The following ANKLE2 variants were observed in gnomAD, a reference collection of about 807,000 sequenced individuals.
The protein encoded by ANKLE2 is ankyrin repeat and LEM domain containing 2.
A neutral mutation model predicts 84.2 loss-of-function variants in ANKLE2; 55 were observed. That is an observed-to-expected ratio of 0.65 (90% CI 0.53 to 0.82). The LOEUF is 0.82. ANKLE2 is among the 40% of genes least tolerant of loss of function. ANKLE2 has a pLI of 0.00. For missense variants in ANKLE2, 1,238 were observed against 1,201.9 expected (o/e 1.03, Z -0.44); for synonymous variants, 551 against 486.1 (o/e 1.13, Z -1.76).
rs1448472635 is a variant in ANKLE2, at chr12:132,728,124, A to T, written c.2523T>A (p.Ala841=). The T allele has an allele frequency of 1.2e-6, 2 of 1,613,054 alleles. No individual in the cohort carries two copies. The highest frequency in any genetic ancestry group is 1.7e-5 in the Admixed American group (1 of 60,014). Residue 841 remains alanine, a synonymous_variant, in exon 12 of 13, where the codon GCT becomes GCA. Coordinates refer to ENST00000357997, the MANE Select transcript of ANKLE2 (RefSeq NM_015114.3). ...GGGGGTCGACGTCTGCACATTCAAG[A>T]GCGGCCAAAACATCCTGATCGAGTT... ...PSKLDQDVLA[A]LECADVDPHQ... is the part of the protein sequence containing the mutation.
chr12:132,752,994 A>T (rs1377454131), intron 2 of ANKLE2, among the ~76,000 whole-genome samples: 1 of 69,284 alleles, frequency 1.4e-5, no homozygotes, highest in East Asian at 3.6e-4. Flanking sequence ...CCAGTCTCTT[A>T]AAAAAAAAAA....
chr12:132,749,020 G>A (rs971336423), intron 3 of ANKLE2: 19 of 151,972 alleles, frequency 1.3e-4, no homozygotes, highest in African/African-American at 4.6e-4. Flanking sequence ...AGTGAACTCT[G>A]AAAGCTCGGT....
chr12:132,740,472 T>A (rs2044098422), intron 7 of ANKLE2, among the ~76,000 whole-genome samples: 1 of 152,120 alleles, frequency 6.6e-6, no homozygotes, highest in Non-Finnish European at 1.5e-5. Context: ...TGATAAAATT[T>A]TATTTTTAAA....
At chr12:132,746,817 G>T (rs2044248032) in intron 5 of ANKLE2, among the ~76,000 whole-genome samples, 3 of 152,136 alleles carry the variant, frequency 2.0e-5, no homozygotes, top group African/African-American at 7.2e-5. Context: ...TGGCCTGTGT[G>T]ACTGCCTGTT....
Position 132,743,175 on chromosome 12 carries a change from T to G in ANKLE2, c.1332A>C (p.Lys444Asn). 3 of 1,609,854 alleles carry G rather than the reference T, an allele frequency of 1.9e-6. No homozygotes were observed. The highest frequency in any genetic ancestry group is 2.5e-6 in the Non-Finnish European group (3 of 1,177,560). ...HHLIVKNSRN[K>N]YDKTPEDVIC... ...TTACATCTTCAGGTGTTTTATCATA[T>G]TTATTCCTTGAGTTTTTTACAATCA... Residue 444 changes from lysine to asparagine, a missense_variant, in exon 6 of 13, where the codon AAA becomes AAC. Coordinates refer to ENST00000357997, the MANE Select transcript of ANKLE2 (RefSeq NM_015114.3). This position sits in a 1 kb window ranked among gnomAD's most constrained non-coding sequence, Gnocchi z 4.1.
At chr12:132,727,512 A>T (rs2043724643) in intron 12 of ANKLE2, 69 bp from the exon 13 acceptor site, 1 of 1,362,638 alleles carries the variant, frequency 7.3e-7, no homozygotes, top group African/African-American at 1.9e-5. Flanking sequence ...AAAGTCGGAG[A>T]ATAATGGCCC....
chr12:132,742,308 TTTAAG>T (rs1372324278), intron 6 of ANKLE2: 5 of 158,552 alleles, frequency 3.2e-5, no homozygotes, highest in East Asian at 1.9e-4. Flanking sequence ...CAAGCAGTAT[TTTAAG>T]TTTTCTATGG....
At chr12:132,746,043 G>T (rs926533699) in intron 5 of ANKLE2, among the ~76,000 whole-genome samples, 4 of 152,170 alleles carry the variant, frequency 2.6e-5, no homozygotes, top group Non-Finnish European at 4.4e-5. Flanking sequence ...CAAAGCCCAG[G>T]CTCCCTTTAA....
chr12:132,731,870 G>C (rs987854692), intron 10 of ANKLE2: 1 of 151,854 alleles, frequency 6.6e-6, no homozygotes, highest in Non-Finnish European at 1.5e-5. Context: ...CTGTGCTTTG[G>C]AAGCACTTTG....
chr12:132,755,559 GA>G (rs1381003174), intron 1 of ANKLE2: 1 of 149,784 alleles, frequency 6.7e-6, no homozygotes, highest in African/African-American at 2.5e-5. Context: ...AAAAAAAAAA[GA>G]ATTTTTCTTT....
intron 1 of ANKLE2, chr12:132,759,584 C>T (rs919319821): frequency 1.3e-5 from 2 of 152,024 alleles, no homozygotes; most frequent in Non-Finnish European, 2.9e-5. Context: ...TATTATACAT[C>T]ATATATAAAA....
At position 132,726,336 on chromosome 12, in the gene ANKLE2, T is replaced by C. The variant is rs894720231; in HGVS notation, c.*906A>G. On this transcript the variant is annotated 3_prime_UTR_variant, in exon 13 of 13. Transcript: ENST00000357997. ...GGACTCAAACCTCTAAATGCAACAC[T>C]CTGCATACAGGAGATCCCAACTGAA... 1.3e-5 allele frequency: 2 copies of C among 152,346 alleles called. No individual in the cohort carries two copies. Among genetic ancestry groups the C allele is most frequent in the African/African-American group, 4.8e-5 (2 of 41,408 alleles). 9.4% of individuals were successfully genotyped at this position (152,346 alleles called of 1,614,324 possible).
chr12:132,754,602 A>G, intron 2 of ANKLE2, 73 bp downstream of exon 2: 1 of 1,441,368 alleles, frequency 6.9e-7, no homozygotes, highest in Non-Finnish European at 9.3e-7. Flanking sequence ...GTAGTTTTCC[A>G]TTTTCAGACG....
chr12:132,761,685 C>T lies in ANKLE2; in HGVS notation c.114G>A (p.Arg38=), dbSNP rs2044629732. ...TCCCGCTGCGGCCCAGACCTCCCGG[C>T]CGCGGGCCCAGCCGCCGCACCAGCC... is the stretch of plus-strand genomic sequence containing the variant. ...VRWLVRRLGP[R]PGGLGRSGTP... is the part of the protein sequence containing the mutation. The change falls in exon 1 of 13, where the codon CGG becomes CGA. Residue 38 remains arginine (R), a synonymous_variant. Coordinates refer to ENST00000357997, the MANE Select transcript of ANKLE2 (RefSeq NM_015114.3). 4 of 1,344,452 alleles carry T rather than the reference C, an allele frequency of 3.0e-6. No individual in the cohort carries two copies. The highest frequency in any genetic ancestry group is 2.9e-6 in the Non-Finnish European group (3 of 1,041,334). The allele number at this position is 1,344,452 out of a possible 1,614,324, so 83.3% of individuals were successfully genotyped here.
chr12:132,730,548 C>T (rs1360267836), intron 10 of ANKLE2: 4 of 417,510 alleles, frequency 9.6e-6, no homozygotes, highest in Non-Finnish European at 1.7e-5. Context: ...TGGGGCCAGG[C>T]ACAGAAGCTC....
At chr12:132,737,309 CAAGAAAAGA>C (rs2044032585) in intron 7 of ANKLE2, 1 of 427,022 alleles carries the variant, frequency 2.3e-6, no homozygotes, top group African/African-American at 2.0e-5. Context: ...TCCACTGCTA[CAAGAAAAGA>C]AAGAAAAGAA....
Position 132,736,572 on chromosome 12 carries a change from T to C in ANKLE2, c.1593+321A>G, listed in dbSNP as rs1278231541. ...GGGCAGCCTCGCTACACCAGCAAGG[T>C]GCCTAGGACGGGCCATCAACACAGC... On this transcript the variant is annotated intron_variant, in intron 8 of 12. Transcript: ENST00000357997. 2.8e-5 allele frequency among the ~76,000 whole-genome samples: 3 copies of C among 107,552 alleles called. No homozygotes were observed. The East Asian group carries it at 6.4e-4, about 23-fold the overall frequency. The allele number at this position is 107,552 out of a possible 152,430, so 70.6% of individuals were successfully genotyped here. A position where few individuals can be genotyped will look rare whatever the true frequency, so the allele number is the denominator to read the frequency against.
At position 132,729,981 on chromosome 12, in the gene ANKLE2, T is replaced by C. The variant is rs1443723440; in HGVS notation, c.2181A>G (p.Pro727=). ...ACTCAACAGTCAAATCCGAGACAGGTGGCAGATGGGCTTCCTCCCCACGGG... is the reference window on the plus strand; with the variant it reads ...ACTCAACAGTCAAATCCGAGACAGGCGGCAGATGGGCTTCCTCCCCACGGG... ...KAPRGEEAHL[P]PVSDLTVEFD... is the part of the protein sequence containing the mutation. The change falls in exon 11 of 13, where the codon CCA becomes CCG. Residue 727 remains proline, a synonymous_variant. Transcript: ENST00000357997. 11 of 1,613,388 alleles carry C rather than the reference T, an allele frequency of 6.8e-6. No individual in the cohort carries two copies. Among genetic ancestry groups the C allele is most frequent in the African/African-American group, 1.3e-5 (1 of 75,012 alleles).
At chr12:132,735,328 T>C in intron 9 of ANKLE2, 78 bp downstream of exon 9, 1 of 1,299,610 alleles carries the variant, frequency 7.7e-7, no homozygotes, top group Non-Finnish European at 1.1e-6. Flanking sequence ...ACTTTGAAGC[T>C]GTGATTTGAC....
Sources: gnomAD v4.1 joint callset for allele counts (sites outside exome capture counted in the v4.1 genomes callset) on GRCh38, gnomAD v4.1.1 for gene constraint, Gnocchi (gnomAD v3.1) non-coding constraint, MANE v1.5 for transcripts, NCBI Gene and HGNC (gene_info 2026-07-23, HGNC 2026-07-21) for gene names.